HYCC1: variants seen among roughly 807,000 people sequenced by gnomAD.
HYCC1 encodes the protein hyccin.
chr7:22,988,835 G>A, the HYCC1 span, among the ~76,000 whole-genome samples: 5 of 152,078 alleles, frequency 3.3e-5, no homozygotes, highest in African/African-American at 1.2e-4. Context: ...ATCTACCAAT[G>A]TAACTACTCT....
the HYCC1 span, among the ~76,000 whole-genome samples, chr7:23,002,155 T>C: frequency 0.072 from 1,907 of 26,382 alleles, 53 homozygotes; most frequent in South Asian, 0.16. Context: ...TATATATATA[T>C]ATATATATAT....
chr7:22,978,095 C>G, the HYCC1 span: 1 of 636,444 alleles, frequency 1.6e-6, no homozygotes. Context: ...TACATAATTA[C>G]ATGTACGCTT....
chr7:22,980,890 G>A, the HYCC1 span, among the ~76,000 whole-genome samples: 5 of 152,192 alleles, frequency 3.3e-5, no homozygotes, highest in East Asian at 3.9e-4. Flanking sequence ...AACTAAAAGC[G>A]CCGCTTAAGC....
At chr7:22,909,977 A>G in the HYCC1 span, among the ~76,000 whole-genome samples, 4 of 152,352 alleles carry the variant, frequency 2.6e-5, 1 homozygote, top group South Asian at 8.3e-4. Context: ...GTGCATGTGT[A>G]TGAACTGAAT....
chr7:22,929,388 A>G, the HYCC1 span, among the ~76,000 whole-genome samples: 1 of 152,252 alleles, frequency 6.6e-6, no homozygotes, highest in African/African-American at 2.4e-5. Context: ...AGAAACCACC[A>G]TCAGAGTGAA....
chr7:22,945,152 C>T, the HYCC1 span: 2,470 of 213,064 alleles, frequency 0.012, 69 homozygotes, highest in African/African-American at 0.055. Flanking sequence ...CTCTATAAAA[C>T]AGTTCCCATA....
chr7:22,958,111 A>C, the HYCC1 span, among the ~76,000 whole-genome samples: 1 of 152,076 alleles, frequency 6.6e-6, no homozygotes, highest in African/African-American at 2.4e-5. Context: ...CCCCACAGGA[A>C]GCCAGTGCCT....
chr7:22,928,059 A>G, the HYCC1 span, among the ~76,000 whole-genome samples: 2 of 152,230 alleles, frequency 1.3e-5, no homozygotes, highest in Non-Finnish European at 1.5e-5. Flanking sequence ...GTAATCCAGC[A>G]TATAAACAGA....
At chr7:22,963,575 A>G in the HYCC1 span, among the ~76,000 whole-genome samples, 1 of 152,240 alleles carries the variant, frequency 6.6e-6, no homozygotes, top group Non-Finnish European at 1.5e-5. Context: ...GGACAATATT[A>G]ATGGTCTAAC....
the HYCC1 span, among the ~76,000 whole-genome samples, chr7:23,005,657 C>T: frequency 6.6e-6 from 1 of 152,192 alleles, no homozygotes; most frequent in African/African-American, 2.4e-5. Flanking sequence ...CATCTACTCT[C>T]CATGACCTTA....
At chr7:22,940,744 C>T in the HYCC1 span, 3 of 151,962 alleles carry the variant, frequency 2.0e-5, no homozygotes, top group Non-Finnish European at 4.4e-5. Context: ...ACCTACCACG[C>T]ACAAAGTCCT....
At chr7:22,963,099 A>G in the HYCC1 span, among the ~76,000 whole-genome samples, 1 of 152,112 alleles carries the variant, frequency 6.6e-6, no homozygotes, top group African/African-American at 2.4e-5. Context: ...TCCTGTCATA[A>G]ATAATATTTA....
At chr7:22,896,103 C>T in the HYCC1 span, among the ~76,000 whole-genome samples, 1 of 152,200 alleles carries the variant, frequency 6.6e-6, no homozygotes, top group African/African-American at 2.4e-5. Context: ...ATTCTGTCGA[C>T]TTCCCTTGCT....
chr7:22,945,744 C>G, the HYCC1 span: 1 of 1,613,812 alleles, frequency 6.2e-7, no homozygotes, highest in Non-Finnish European at 8.5e-7. Context: ...GCCCCACAAC[C>G]AACAGCAGAT....
chr7:22,948,151 T>C, the HYCC1 span, among the ~76,000 whole-genome samples: 10 of 152,004 alleles, frequency 6.6e-5, no homozygotes, highest in African/African-American at 2.4e-4. Flanking sequence ...TGGGGAAAAG[T>C]AACATAAATA....
chr7:23,013,647 C>G, the HYCC1 span, among the ~76,000 whole-genome samples: 1 of 151,874 alleles, frequency 6.6e-6, no homozygotes, highest in Non-Finnish European at 1.5e-5. Flanking sequence ...ACAAAGCTGC[C>G]GCCCTCCAGG....
the HYCC1 span, among the ~76,000 whole-genome samples, chr7:23,007,446 A>C: frequency 6.6e-5 from 10 of 152,154 alleles, no homozygotes; most frequent in Admixed American, 2.0e-4. Context: ...ACTAAATGAA[A>C]TTAATTATGC....
At chr7:22,994,245 T>C in the HYCC1 span, among the ~76,000 whole-genome samples, 177 of 152,352 alleles carry the variant, frequency 1.2e-3, no homozygotes, top group African/African-American at 4.2e-3. Flanking sequence ...TCTGAAATTC[T>C]ATACAACAAA....
chr7:22,946,596 C>G, the HYCC1 span, among the ~76,000 whole-genome samples: 2 of 151,852 alleles, frequency 1.3e-5, no homozygotes, highest in African/African-American at 2.4e-5. Context: ...AGGTTGTACT[C>G]TATATTGTAG....
Sources: gnomAD v4.1 joint callset for allele counts (sites outside exome capture counted in the v4.1 genomes callset) on GRCh38, gnomAD v4.1.1 for gene constraint, MANE v1.5 for transcripts, NCBI Gene and HGNC (gene_info 2026-07-23, HGNC 2026-07-21) for gene names.